Variants in SLC35F3 observed in about 807,000 individuals in gnomAD.
The protein encoded by SLC35F3 is solute carrier family 35 member F3.
Under a neutral mutation model 49.9 loss-of-function variants are expected in SLC35F3, and 25 were observed. The observed-to-expected ratio is 0.50, with a 90% CI of 0.37 to 0.70. SLC35F3 has a LOEUF of 0.70. SLC35F3 is among the 30% of genes least tolerant of loss of function. SLC35F3 has a pLI of 0.00. For synonymous variants in SLC35F3, 275 were observed against 265.4 expected, an observed-to-expected ratio of 1.04 and a Z score of -0.35; for missense variants, 525 against 639.8, an observed-to-expected ratio of 0.82 and a Z score of 1.94.
At chr1:234,166,369 G>C (rs1268363119) in intron 2 of SLC35F3, among the ~76,000 whole-genome samples, 1 of 152,170 alleles carries the variant, frequency 6.6e-6, no homozygotes, top group Admixed American at 6.5e-5. Flanking sequence ...ACTTGGTGTT[G>C]TACGTTCTGT....
At chr1:234,226,069 A>C (rs1282513869) in intron 2 of SLC35F3, among the ~76,000 whole-genome samples, 2 of 152,240 alleles carry the variant, frequency 1.3e-5, no homozygotes, top group Non-Finnish European at 2.9e-5. Flanking sequence ...GGCATGATAG[A>C]AATGTTCCAA....
chr1:234,084,638 T>C (rs1033310731), intron 2 of SLC35F3, among the ~76,000 whole-genome samples: 1 of 152,244 alleles, frequency 6.6e-6, no homozygotes, highest in African/African-American at 2.4e-5. Context: ...ATTGACTGAA[T>C]GGAACTGCCC....
chr1:234,132,569 G>T (rs1489747857), intron 2 of SLC35F3, among the ~76,000 whole-genome samples: 1 of 152,164 alleles, frequency 6.6e-6, no homozygotes, highest in Admixed American at 6.5e-5. Context: ...TGATTCAAAA[G>T]AAACATTGTG....
At chr1:234,222,452 T>A (rs1446319303) in intron 2 of SLC35F3, among the ~76,000 whole-genome samples, 1 of 152,166 alleles carries the variant, frequency 6.6e-6, no homozygotes, top group African/African-American at 2.4e-5. Context: ...AAAACGGTGT[T>A]TTAATTTTGC....
chr1:234,226,647 G>A (rs539276631), intron 2 of SLC35F3, among the ~76,000 whole-genome samples: 104 of 151,990 alleles, frequency 6.8e-4, no homozygotes, highest in African/African-American at 2.2e-3. Flanking sequence ...ACCCGAATGA[G>A]TTGGTAGCTA....
chr1:234,005,594 G>A (rs1365881026), intron 2 of SLC35F3, among the ~76,000 whole-genome samples: 1 of 152,188 alleles, frequency 6.6e-6, no homozygotes, highest in Non-Finnish European at 1.5e-5. Flanking sequence ...GAGCCAATGG[G>A]ATTTCTGTGG....
At chr1:234,077,136 C>A (rs921389132) in intron 2 of SLC35F3, among the ~76,000 whole-genome samples, 47 of 151,472 alleles carry the variant, frequency 3.1e-4, no homozygotes, top group African/African-American at 1.1e-3. Flanking sequence ...TCCCCAGTAG[C>A]TGGGACTACA....
At chr1:234,045,506 A>G (rs911811167) in intron 2 of SLC35F3, among the ~76,000 whole-genome samples, 1 of 152,188 alleles carries the variant, frequency 6.6e-6, no homozygotes, top group African/African-American at 2.4e-5. Flanking sequence ...AGTAATCTTA[A>G]GTAACTTGCC....
At chr1:233,976,778 T>C (rs1663092173) in intron 2 of SLC35F3, among the ~76,000 whole-genome samples, 1 of 152,130 alleles carries the variant, frequency 6.6e-6, no homozygotes, top group East Asian at 1.9e-4. Flanking sequence ...GCCCAGCTAA[T>C]TTTTGTGTTT....
intron 2 of SLC35F3, among the ~76,000 whole-genome samples, chr1:233,954,064 G>T (rs566996659): frequency 1.3e-5 from 2 of 151,722 alleles, no homozygotes; most frequent in East Asian, 3.9e-4. Context: ...TGGAGTGCAG[G>T]GGCACAATCT....
chr1:233,950,316 G>A (rs1399889910), intron 2 of SLC35F3, among the ~76,000 whole-genome samples: 1 of 148,032 alleles, frequency 6.8e-6, no homozygotes, highest in Non-Finnish European at 1.5e-5. Context: ...GACCCATGAG[G>A]CGGAGCTTGC....
intron 2 of SLC35F3, among the ~76,000 whole-genome samples, chr1:233,951,657 G>T (rs1457016578): frequency 6.6e-6 from 1 of 152,090 alleles, no homozygotes; most frequent in Non-Finnish European, 1.5e-5. Flanking sequence ...TGACTCTTCT[G>T]TGTCAGTTTC....
chr1:234,099,495 A>G (rs1665181611), intron 2 of SLC35F3, among the ~76,000 whole-genome samples: 1 of 151,886 alleles, frequency 6.6e-6, no homozygotes, highest in Admixed American at 6.6e-5. Flanking sequence ...CTGCAGTCCC[A>G]GCTACTCAGG....
intron 3 of SLC35F3, among the ~76,000 whole-genome samples, chr1:234,254,252 C>T (rs182563910): frequency 6.6e-6 from 1 of 152,264 alleles, no homozygotes; most frequent in East Asian, 1.9e-4. Flanking sequence ...TAGTAGTGTT[C>T]ACACTCTTCT....
At chr1:234,069,428 T>C (rs964576687) in intron 2 of SLC35F3, among the ~76,000 whole-genome samples, 1 of 151,766 alleles carries the variant, frequency 6.6e-6, no homozygotes, top group African/African-American at 2.4e-5. Context: ...TGGCTAACTT[T>C]ATATTTTCAG....
chr1:234,126,476 C>CGTGTGTGTGTGTGTGTGTGTGTGTGTGT (rs147108235), intron 2 of SLC35F3, among the ~76,000 whole-genome samples: 3,106 of 119,306 alleles, frequency 0.026, 57 homozygotes, highest in South Asian at 0.048. Flanking sequence ...CCCTGTTTTA[C>CGTGTGTGTGTGTGTGTGTGTGTGTGTGT]ATGTGTGTGT....
chr1:233,905,582 C>T lies in SLC35F3; in HGVS notation c.107C>T (p.Pro36Leu), dbSNP rs1034410990. 3 of 1,614,132 alleles carry T rather than the reference C, an allele frequency of 1.9e-6. No homozygotes were observed. The highest frequency in any genetic ancestry group is 1.6e-4 in the Middle Eastern group (1 of 6,062). ...CCCCGGAGACTGTCCGACATCAGCCCCCAGCTCCGGCAGCTCAAGTACTTG... is the reference window on the plus strand; with the variant it reads ...CCCCGGAGACTGTCCGACATCAGCCTCCAGCTCCGGCAGCTCAAGTACTTG... ...VSPRRLSDIS[P>L]QLRQLKYLVV... is the part of the protein sequence containing the mutation. The change falls in exon 2 of 8, where the codon CCC becomes CTC. Residue 36 changes from proline (P) to leucine (L), a missense_variant. By Grantham distance (98) the Pro-to-Leu change is moderately conservative (BLOSUM62 -3). Around this residue, in one of 4 missense-constraint regions of SLC35F3, gnomAD observed 228 missense variants for 218.9 expected, o/e 1.04. Coordinates refer to ENST00000366618, the MANE Select transcript of SLC35F3 (RefSeq NM_173508.4).
intron 2 of SLC35F3, among the ~76,000 whole-genome samples, chr1:234,105,017 A>G (rs1248222216): frequency 6.6e-6 from 1 of 151,426 alleles, no homozygotes; most frequent in Non-Finnish European, 1.5e-5. Context: ...AGTCCCAGCT[A>G]CTCTGGAGGC....
chr1:234,002,011 C>G (rs560142281), intron 2 of SLC35F3, among the ~76,000 whole-genome samples: 1 of 152,302 alleles, frequency 6.6e-6, no homozygotes, highest in South Asian at 2.1e-4. Flanking sequence ...ACTGACTCAC[C>G]CTGTAGGAGG....
Sources: allele counts gnomAD v4.1 joint callset (sites outside exome capture counted in the v4.1 genomes callset), GRCh38; gene constraint gnomAD v4.1.1; regional missense constraint gnomAD v4.1.1; transcripts MANE v1.5; gene names NCBI Gene and HGNC (gene_info 2026-07-23, HGNC 2026-07-21).